NDUFC1: variants seen among roughly 807,000 people sequenced by gnomAD.
NDUFC1 encodes NADH dehydrogenase [ubiquinone] 1 subunit C1, mitochondrial.
Under a neutral mutation model 11.6 loss-of-function variants are expected in NDUFC1, and 11 were observed. That is an observed-to-expected ratio of 0.95 (90% CI 0.60 to 1.58). The LOEUF is 1.58. NDUFC1 is among the 40% of genes most tolerant of loss of function. NDUFC1 has a pLI of 0.00. For missense variants in NDUFC1, 112 were observed against 93.0 expected, an observed-to-expected ratio of 1.20 and a Z score of -0.84; for synonymous variants, 52 against 42.2, an observed-to-expected ratio of 1.23 and a Z score of -0.90.
chr4:139,290,886 C>T (rs1745183148), intron 5 of NDUFC1, among the ~76,000 whole-genome samples: 1 of 151,786 alleles, frequency 6.6e-6, no homozygotes, highest in Non-Finnish European at 1.5e-5. Flanking sequence ...ATGCAACCTC[C>T]CAGCCTCTGC....
intron 1 of NDUFC1, chr4:139,301,637 C>T: frequency 1.1e-6 from 1 of 922,504 alleles, no homozygotes; most frequent in Non-Finnish European, 1.6e-6. Context: ...GGTAGGGCAA[C>T]GCGGCGACAC....
intron 4 of NDUFC1, 144 bp downstream of exon 4, chr4:139,294,899 G>GT (rs767301604): frequency 1.3e-4 from 75 of 559,368 alleles, no homozygotes; most frequent in Non-Finnish European, 2.1e-4. Flanking sequence ...GGAAAAATAC[G>GT]TATCAGCGAT....
intron 4 of NDUFC1, among the ~76,000 whole-genome samples, chr4:139,294,323 A>G (rs1745362321): frequency 6.6e-6 from 1 of 152,168 alleles, no homozygotes; most frequent in Admixed American, 6.6e-5. Flanking sequence ...TTAAAACCTA[A>G]TGGAAGTCTA....
At chr4:139,302,007 G>T in intron 1 of NDUFC1, 1 of 596,140 alleles carries the variant, frequency 1.7e-6, no homozygotes. Context: ...ACTATGGCCC[G>T]CGCGCCAGGG....
chr4:139,290,317 CTTTTTT>C (rs1248275815), intron 5 of NDUFC1, among the ~76,000 whole-genome samples: 3 of 124,382 alleles, frequency 2.4e-5, no homozygotes, highest in Non-Finnish European at 3.4e-5. Context: ...ATTTTTACCT[CTTTTTT>C]TTTTTTTTTT....
intron 4 of NDUFC1, 39 bp from the exon 5 acceptor site, chr4:139,292,648 T>A (rs199893544): frequency 1.6e-6 from 2 of 1,253,546 alleles, no homozygotes; most frequent in Non-Finnish European, 2.3e-6. Flanking sequence ...AAATGTAATC[T>A]TCCTGGATAC....
At chr4:139,298,709 T>C (rs1393757943) in intron 1 of NDUFC1, among the ~76,000 whole-genome samples, 3 of 151,790 alleles carry the variant, frequency 2.0e-5, no homozygotes, top group African/African-American at 7.3e-5. Flanking sequence ...GTCTCAGCTC[T>C]GTTGCCCAGG....
chr4:139,294,748 A>AAAAG (rs1199587195), intron 4 of NDUFC1, among the ~76,000 whole-genome samples: 2 of 152,074 alleles, frequency 1.3e-5, no homozygotes, highest in Admixed American at 6.6e-5. Flanking sequence ...AAAAAAAAAA[A>AAAAG]AAAGTATAAT....
intron 3 of NDUFC1, 89 bp downstream of exon 3, chr4:139,295,643 C>A: frequency 7.1e-7 from 1 of 1,410,624 alleles, no homozygotes; most frequent in Non-Finnish European, 9.5e-7. Context: ...CGAACCCGGG[C>A]CGCTGCCGCC....
At chr4:139,293,929 AATT>A (rs1265869791) in intron 4 of NDUFC1, among the ~76,000 whole-genome samples, 2 of 105,596 alleles carry the variant, frequency 1.9e-5, no homozygotes, top group African/African-American at 7.1e-5. Flanking sequence ...ATGTGGTGTG[AATT>A]TTTTTTTTTT....
At chr4:139,299,032 C>T (rs539046445) in intron 1 of NDUFC1, among the ~76,000 whole-genome samples, 71 of 151,702 alleles carry the variant, frequency 4.7e-4, no homozygotes, top group African/African-American at 1.5e-3. Context: ...TGCAGTGGTG[C>T]GATCTTGGCT....
chr4:139,292,307 C>T (rs1018897478), intron 5 of NDUFC1, among the ~76,000 whole-genome samples: 2 of 150,908 alleles, frequency 1.3e-5, no homozygotes, highest in Admixed American at 1.3e-4. Flanking sequence ...AACAGGTCTA[C>T]AAACAAACAA....
chr4:139,299,619 T>C (rs1745620451), intron 1 of NDUFC1, among the ~76,000 whole-genome samples: 1 of 152,128 alleles, frequency 6.6e-6, no homozygotes, highest in African/African-American at 2.4e-5. Context: ...TAAATATATA[T>C]TTTTTTATTC....
chr4:139,302,017 G>A, intron 1 of NDUFC1: 1 of 545,252 alleles, frequency 1.8e-6, no homozygotes, highest in South Asian at 3.2e-5. Context: ...GCGCGCCAGG[G>A]ACCACAGGCT....
chr4:139,298,829 A>G (rs546814110), intron 1 of NDUFC1, among the ~76,000 whole-genome samples: 7 of 152,188 alleles, frequency 4.6e-5, no homozygotes, highest in African/African-American at 1.4e-4. Flanking sequence ...TCACAGCACC[A>G]CACCTGGCAA....
At chr4:139,294,533 G>A (rs939922741) in intron 4 of NDUFC1, among the ~76,000 whole-genome samples, 2 of 151,014 alleles carry the variant, frequency 1.3e-5, no homozygotes, top group Non-Finnish European at 3.0e-5. Context: ...TCAGGAGATC[G>A]AGACCATCCT....
intron 1 of NDUFC1, chr4:139,301,989 T>C: frequency 1.3e-6 from 1 of 742,212 alleles, no homozygotes; most frequent in Non-Finnish European, 2.1e-6. Flanking sequence ...TCCCTCTCTG[T>C]GGTTCCTACT....
intron 5 of NDUFC1, 122 bp from the exon 6 acceptor site, chr4:139,290,214 T>C (rs1372315531): frequency 1.3e-5 from 2 of 151,830 alleles, no homozygotes; most frequent in African/African-American, 4.8e-5. Flanking sequence ...AGAGTACCAA[T>C]ACCTTATTTT....
intron 5 of NDUFC1, among the ~76,000 whole-genome samples, chr4:139,290,866 T>C (rs1191622913): frequency 6.6e-6 from 1 of 151,898 alleles, no homozygotes; most frequent in East Asian, 1.9e-4. Flanking sequence ...AGTAGCCCAA[T>C]ATTGGCTCAA....
Sources: gnomAD v4.1 joint callset for allele counts (sites outside exome capture counted in the v4.1 genomes callset) on GRCh38, gnomAD v4.1.1 for gene constraint, MANE v1.5 for transcripts, NCBI Gene and HGNC (gene_info 2026-07-23, HGNC 2026-07-21) for gene names.